DYM: variants seen among roughly 807,000 people sequenced by gnomAD.
DYM encodes dymeclin, also known as dyggve-Melchior-Clausen syndrome protein.
In DYM, 78 loss-of-function variants were observed where a neutral mutation model predicts 93.1. That is an observed-to-expected ratio of 0.84 (90% CI 0.70 to 1.01). The LOEUF (loss-of-function observed/expected upper bound fraction) is 1.01, where lower values mean the gene tolerates loss of function less well. Among genes scored for constraint, DYM ranks in the 50% least tolerant of loss-of-function variants. The probability of loss-of-function intolerance (pLI) is 0.00; values close to 1 mark genes in which losing one functional copy is unlikely to be tolerated. For missense variants in DYM, 789 were observed against 845.0 expected, an observed-to-expected ratio of 0.93 and a Z score of 0.82; for synonymous variants, 321 against 319.7, an observed-to-expected ratio of 1.00 and a Z score of -0.04.
intron 10 of DYM, among the ~76,000 whole-genome samples, chr18:49,274,219 T>A (rs887798306): frequency 1.3e-5 from 2 of 152,110 alleles, no homozygotes; most frequent in Non-Finnish European, 2.9e-5. Flanking sequence ...ATTTCCCTAT[T>A]CTGGACTTCC....
intron 13 of DYM, among the ~76,000 whole-genome samples, chr18:49,216,707 G>A (rs1438438129): frequency 6.6e-6 from 1 of 152,022 alleles, no homozygotes; most frequent in East Asian, 1.9e-4. Context: ...TCTGTTAGAA[G>A]GAAAACTAAC....
At chr18:49,418,135 T>C (rs943001039) in intron 2 of DYM, 2 of 151,568 alleles carry the variant, frequency 1.3e-5, no homozygotes, top group Non-Finnish European at 2.9e-5. Context: ...TATTATAGCC[T>C]GAGAAACAAA....
intron 17 of DYM, chr18:49,049,553 G>A (rs946273223): frequency 6.6e-6 from 1 of 152,206 alleles, no homozygotes; most frequent in Non-Finnish European, 1.5e-5. Flanking sequence ...GAGTTGTACT[G>A]ACAATCGGAT....
intron 1 of DYM, among the ~76,000 whole-genome samples, chr18:49,457,108 C>A (rs982329417): frequency 6.6e-6 from 1 of 152,206 alleles, no homozygotes; most frequent in Non-Finnish European, 1.5e-5. Flanking sequence ...CTCTACCATT[C>A]CCAGCTGAGT....
At chr18:49,296,047 G>C (rs892528622) in intron 8 of DYM, among the ~76,000 whole-genome samples, 3 of 152,132 alleles carry the variant, frequency 2.0e-5, no homozygotes, top group Non-Finnish European at 4.4e-5. Flanking sequence ...TCAGCCTTCT[G>C]AGTAGCTGGG....
chr18:49,045,030 T>C (rs893609850), intron 17 of DYM, among the ~76,000 whole-genome samples: 3 of 152,254 alleles, frequency 2.0e-5, no homozygotes, highest in African/African-American at 7.2e-5. Flanking sequence ...GAGGAAGTGA[T>C]TCCACTTTCA....
chr18:49,317,596 TCCCCCCTC>T (rs1171408257), intron 8 of DYM, among the ~76,000 whole-genome samples: 8 of 31,138 alleles, frequency 2.6e-4, no homozygotes, highest in East Asian at 1.5e-3. Flanking sequence ...TCTCTCTCTC[TCCCCCCTC>T]CCCCCTCCCT....
intron 15 of DYM, among the ~76,000 whole-genome samples, chr18:49,159,712 T>C (rs1014078869): frequency 6.6e-6 from 1 of 152,084 alleles, no homozygotes; most frequent in East Asian, 1.9e-4. Context: ...TGAGACCCAA[T>C]CTCTACATTT....
intron 1 of DYM, among the ~76,000 whole-genome samples, chr18:49,435,720 T>C (rs1422986920): frequency 6.6e-6 from 1 of 151,598 alleles, no homozygotes; most frequent in Non-Finnish European, 1.5e-5. Flanking sequence ...ACCCTGGAGG[T>C]GGAGGTTGCA....
intron 13 of DYM, among the ~76,000 whole-genome samples, chr18:49,247,436 T>G (rs1347975429): frequency 2.6e-5 from 4 of 152,148 alleles, no homozygotes; most frequent in Non-Finnish European, 5.9e-5. Flanking sequence ...TGAAAGTAGG[T>G]AAAAATCTTA....
intron 14 of DYM, among the ~76,000 whole-genome samples, chr18:49,177,573 T>C (rs1411789489): frequency 6.6e-6 from 1 of 152,128 alleles, no homozygotes; most frequent in Non-Finnish European, 1.5e-5. Context: ...TACTGGTAAA[T>C]GCCTTTTTTC....
In DYM at chr18:49,046,267, TAC is replaced by T. The variant is rs577485934; in HGVS notation, c.2026-2065_2026-2064del. 4.0e-3 allele frequency among the ~76,000 whole-genome samples: 322 copies of T among 81,446 alleles called. 1 individual carries two copies. Among genetic ancestry groups the T allele is most frequent in the African/African-American group, 0.011 (308 of 28,972 alleles). The allele number at this position is 81,446 out of a possible 152,430, so 53.4% of individuals were successfully genotyped here. ...CACAAACATCCATACCCACAACATA[TAC>T]ACAGACACAGACAACACACCCAGAC... is the stretch of plus-strand genomic sequence containing the variant. On this transcript the variant is annotated intron_variant, in intron 17 of 17. Transcript: ENST00000675505.
chr18:49,418,139 A>C (rs2073214258), intron 2 of DYM: 1 of 152,090 alleles, frequency 6.6e-6, no homozygotes, highest in South Asian at 2.1e-4. Context: ...ATAGCCTGAG[A>C]AACAAATAAA....
rs961403886 is a variant in DYM, at chr18:49,379,848, A to G, written c.194-90T>C. 4 of 1,080,288 alleles carry G rather than the reference A, an allele frequency of 3.7e-6. No homozygotes were observed. The African/African-American group carries it at 6.3e-5, about 17-fold the overall frequency. 66.9% of individuals were successfully genotyped at this position (1,080,288 alleles called of 1,614,324 possible). On this transcript the variant is annotated intron_variant, in intron 3 of 17. Transcript: ENST00000675505. ...TAACATTTATAAAACCAAATGTCAT[A>G]TTAAAATTGCTCAGTGACCAACTTT...
intron 14 of DYM, among the ~76,000 whole-genome samples, chr18:49,171,233 A>G (rs1357926105): frequency 6.6e-6 from 1 of 152,124 alleles, no homozygotes; most frequent in East Asian, 1.9e-4. Context: ...CTCCGAAGGT[A>G]AAGGGAACGC....
At chr18:49,406,174 T>C (rs1323000320) in intron 2 of DYM, among the ~76,000 whole-genome samples, 1 of 152,210 alleles carries the variant, frequency 6.6e-6, no homozygotes, top group African/African-American at 2.4e-5. Context: ...TGGTTTGACT[T>C]CTTCTTTTCC....
chr18:49,307,423 C>T (rs973205264), intron 8 of DYM, among the ~76,000 whole-genome samples: 1 of 152,050 alleles, frequency 6.6e-6, no homozygotes, highest in South Asian at 2.1e-4. Flanking sequence ...ATATGTACTC[C>T]CTTTAAGAAT....
chr18:49,258,839 CAGAGAGAGAGAG>C (rs61360021), intron 11 of DYM, among the ~76,000 whole-genome samples: 12,609 of 113,652 alleles, frequency 0.11, 1,176 homozygotes, highest in East Asian at 0.36. Context: ...CACACACACA[CAGAGAGAGAGAG>C]AGAGAGAGAG....
At chr18:49,053,597 G>A (rs991386109) in intron 17 of DYM, among the ~76,000 whole-genome samples, 2 of 152,200 alleles carry the variant, frequency 1.3e-5, no homozygotes, top group African/African-American at 4.8e-5. Context: ...ACTACAGACA[G>A]CACGTGCAGG....
Sources: gnomAD v4.1 joint callset for allele counts (sites outside exome capture counted in the v4.1 genomes callset) on GRCh38, gnomAD v4.1.1 for gene constraint, MANE v1.5 for transcripts, NCBI Gene and HGNC (gene_info 2026-07-23, HGNC 2026-07-21) for gene names.